The following SMKR1 variants were observed in gnomAD, a reference collection of about 807,000 sequenced individuals.
The protein encoded by SMKR1 is small lysine rich protein 1, also known as small lysine-rich protein 1.
In SMKR1, 4 loss-of-function variants were observed where a neutral mutation model predicts 4.0. That is an observed-to-expected ratio of 1.00 (90% CI 0.49 to 2.30). The LOEUF (loss-of-function observed/expected upper bound fraction) is 2.30, where lower values mean the gene tolerates loss of function less well. SMKR1 is among the 30% of genes most tolerant of loss of function. SMKR1 has a pLI of 0.02. For missense variants in SMKR1, 56 were observed against 81.8 expected, an observed-to-expected ratio of 0.68 and a Z score of 1.22; for synonymous variants, 38 against 32.5, an observed-to-expected ratio of 1.17 and a Z score of -0.58.
intron 1 of SMKR1, among the ~76,000 whole-genome samples, chr7:129,503,216 C>A (rs1799429107): frequency 1.3e-5 from 2 of 151,888 alleles, no homozygotes; most frequent in South Asian, 4.1e-4. Context: ...CACTGCTCTG[C>A]AGACTCAGGA....
chr7:129,510,056 G>A (rs929284160), intron 1 of SMKR1, among the ~76,000 whole-genome samples: 2 of 152,108 alleles, frequency 1.3e-5, no homozygotes, highest in Non-Finnish European at 2.9e-5. Flanking sequence ...GTGGGTCAGA[G>A]GACATAGAGA....
chr7:129,509,248 G>C (rs1419885896), intron 1 of SMKR1, among the ~76,000 whole-genome samples: 1 of 152,206 alleles, frequency 6.6e-6, no homozygotes, highest in Non-Finnish European at 1.5e-5. Context: ...GGGAGGCAGA[G>C]GTTGCAGTGA....
At chr7:129,504,053 C>T (rs1799439946) in intron 1 of SMKR1, among the ~76,000 whole-genome samples, 1 of 151,934 alleles carries the variant, frequency 6.6e-6, no homozygotes, top group African/African-American at 2.4e-5. Context: ...GTCTCAAACG[C>T]CTGGGCTCAA....
chr7:129,508,326 A>T (rs188990270), intron 1 of SMKR1, among the ~76,000 whole-genome samples: 6 of 152,200 alleles, frequency 3.9e-5, no homozygotes, highest in African/African-American at 1.4e-4. Context: ...TCTGGACTCT[A>T]TTCTGTCCCA....
rs1248459 is a variant in SMKR1, at chr7:129,509,086, A to G, written c.4-3161A>G. Among the ~76,000 whole-genome samples the G allele has an allele frequency of 7.8e-3, 1,185 of 152,282 alleles. 6 individuals carry two copies. The highest frequency in any genetic ancestry group is 0.011 in the Non-Finnish European group (736 of 68,026). ...TCCCAGCACTTTGGGAGGCCGAGGCAGGCAGATCACGAGGTCAGGAGTTGA... is the reference window on the plus strand; with the variant it reads ...TCCCAGCACTTTGGGAGGCCGAGGCGGGCAGATCACGAGGTCAGGAGTTGA... On this transcript the variant is annotated intron_variant, in intron 1 of 1. Coordinates refer to ENST00000462322, the MANE Select transcript of SMKR1 (RefSeq NM_001195243.2).
chr7:129,512,198 AC>A (rs1562928818), intron 1 of SMKR1, 48 bp from the exon 2 acceptor site: 1 of 1,469,536 alleles, frequency 6.8e-7, no homozygotes, highest in East Asian at 2.5e-5. Context: ...AAAAACAAAA[AC>A]CAAAAAACTA....
rs188351542 is a variant in SMKR1 at position 129,504,462 on chromosome 7, C to T, written c.3+1635C>T. 2.5e-4 allele frequency among the ~76,000 whole-genome samples: 38 copies of T among 152,354 alleles called. 1 individual carries two copies. In the East Asian group the frequency reaches 4.8e-3, roughly 19 times the overall value. ...GCTTAGGGAGCCCTTCCTTTGATGG[C>T]CCAGATGAGGTCAGCCCTTGCCCAT... On this transcript the variant is annotated intron_variant, in intron 1 of 1. Transcript: ENST00000462322.
intron 1 of SMKR1, among the ~76,000 whole-genome samples, chr7:129,511,722 G>T (rs1436528503): frequency 6.6e-6 from 1 of 152,118 alleles, no homozygotes; most frequent in East Asian, 1.9e-4. Context: ...CTCTCAAAAG[G>T]CAGTTCTAGT....
chr7:129,506,332 C>A (rs746158864), intron 1 of SMKR1, among the ~76,000 whole-genome samples: 5 of 152,078 alleles, frequency 3.3e-5, no homozygotes, highest in African/African-American at 4.8e-5. Flanking sequence ...GTCCCAGTTA[C>A]TCAGGAGGCT....
chr7:129,510,331 G>A (rs1387676050), intron 1 of SMKR1, among the ~76,000 whole-genome samples: 1 of 152,236 alleles, frequency 6.6e-6, no homozygotes, highest in Non-Finnish European at 1.5e-5. Flanking sequence ...ACCGAGCCTG[G>A]TGGACACTGG....
intron 1 of SMKR1, among the ~76,000 whole-genome samples, chr7:129,508,403 T>C (rs1384276587): frequency 6.6e-6 from 1 of 152,228 alleles, no homozygotes; most frequent in African/African-American, 2.4e-5. Context: ...ATAATAATTC[T>C]TGAAATAAGG....
Position 129,512,540 on chromosome 7 carries a change from C to CTTTACTCAACATA in SMKR1, c.*99_*100insTTTACTCAACATA. On this transcript the variant is annotated 3_prime_UTR_variant, in exon 2 of 2. Transcript: ENST00000462322. ...CCAGCAACATAGACTTTACTCCAGA[C>CTTTACTCAACATA]GACTTGAGATGCAAATTAAGTGTGC... The CTTTACTCAACATA allele has an allele frequency of 8.4e-7, 1 of 1,190,008 alleles. No individual in the cohort carries two copies. Among genetic ancestry groups the CTTTACTCAACATA allele is most frequent in the Non-Finnish European group, 1.1e-6 (1 of 885,870 alleles). 73.7% of individuals were successfully genotyped at this position (1,190,008 alleles called of 1,614,324 possible). A position where few individuals can be genotyped will look rare whatever the true frequency, so the allele number is the denominator to read the frequency against.
chr7:129,503,552 T>G (rs1038578694), intron 1 of SMKR1, among the ~76,000 whole-genome samples: 2 of 152,190 alleles, frequency 1.3e-5, no homozygotes, highest in Admixed American at 6.5e-5. Context: ...GGAAGCCCCT[T>G]GCGCCTTCCC....
intron 1 of SMKR1, among the ~76,000 whole-genome samples, chr7:129,507,677 C>T (rs1418678071): frequency 6.6e-6 from 1 of 152,200 alleles, no homozygotes; most frequent in Admixed American, 6.5e-5. Context: ...TACATCTTCA[C>T]TAATACTTGG....
chr7:129,507,970 C>T (rs1005889658), intron 1 of SMKR1, among the ~76,000 whole-genome samples: 1 of 152,102 alleles, frequency 6.6e-6, no homozygotes. Context: ...TTTTCATTCT[C>T]TTAATAATAT....
At chr7:129,510,958 G>A (rs971461839) in intron 1 of SMKR1, among the ~76,000 whole-genome samples, 6 of 152,130 alleles carry the variant, frequency 3.9e-5, no homozygotes, top group Non-Finnish European at 7.4e-5. Context: ...ACAGGCGCTT[G>A]CCACCATGCC....
intron 1 of SMKR1, among the ~76,000 whole-genome samples, chr7:129,505,332 T>G (rs1331440896): frequency 6.6e-6 from 1 of 152,198 alleles, no homozygotes; most frequent in Non-Finnish European, 1.5e-5. Flanking sequence ...ACCACTGTAC[T>G]TCCCCCTGTC....
chr7:129,502,758 C>G lies in SMKR1; in HGVS notation c.-67C>G, dbSNP rs561488606. Reference sequence around the variant, plus strand: ...GAACGGGCGCTGGGGGCAGCGGCCCCGGTGGATGCTAAGGGCTTCGGGATC... The same window carrying G: ...GAACGGGCGCTGGGGGCAGCGGCCCGGGTGGATGCTAAGGGCTTCGGGATC... On this transcript the variant is annotated 5_prime_UTR_variant, in exon 1 of 2. Coordinates refer to ENST00000462322, the MANE Select transcript of SMKR1 (RefSeq NM_001195243.2). 27 of 1,534,366 alleles carry G rather than the reference C, an allele frequency of 1.8e-5. No homozygotes were observed. The highest frequency in any genetic ancestry group is 1.1e-4 in the South Asian group (9 of 84,040).
chr7:129,502,698 T>G lies in SMKR1; in HGVS notation c.-127T>G. 1.4e-6 allele frequency: 2 copies of G among 1,422,320 alleles called. No homozygotes were observed. The highest frequency in any genetic ancestry group is 2.5e-5 in the South Asian group (2 of 81,184). 88.1% of individuals were successfully genotyped at this position (1,422,320 alleles called of 1,614,324 possible). On this transcript the variant is annotated 5_prime_UTR_variant, in exon 1 of 2. Transcript: ENST00000462322. ...TGAGGCTGGGCCCGTGGCGGTTCCC[T>G]GAGGAGGGCCGAGAAGGGGCCGGGG...
Sources: gnomAD v4.1 joint callset for allele counts (sites outside exome capture counted in the v4.1 genomes callset) on GRCh38, gnomAD v4.1.1 for gene constraint, MANE v1.5 for transcripts, NCBI Gene and HGNC (gene_info 2026-07-23, HGNC 2026-07-21) for gene names.